PRKD3: variants seen among roughly 807,000 people sequenced by gnomAD.
PRKD3 encodes protein kinase D3, also known as serine/threonine-protein kinase D3.
PRKD3 carries 47 observed loss-of-function variants against 99.2 expected under a neutral mutation model. The ratio of observed to expected loss-of-function variants is 0.47; its 90% CI spans 0.38 to 0.60. The LOEUF is 0.60. Ranked by LOEUF, PRKD3 falls within the 20% of genes least tolerant of loss-of-function variation. PRKD3 has a pLI of 0.00. For synonymous variants in PRKD3, 392 were observed against 355.4 expected (o/e 1.10, Z -1.16); for missense variants, 1,019 against 1,088.4 (o/e 0.94, Z 0.90).
intron 16 of PRKD3, 80 bp downstream of exon 16, chr2:37,259,503 C>G: frequency 9.0e-7 from 1 of 1,106,806 alleles, no homozygotes; most frequent in South Asian, 1.4e-5. Flanking sequence ...ACCAACAGTA[C>G]TTAGTACACT....
chr2:37,321,449 A>G (rs1671880944), intron 1 of PRKD3, among the ~76,000 whole-genome samples: 1 of 152,214 alleles, frequency 6.6e-6, no homozygotes, highest in African/African-American at 2.4e-5. Flanking sequence ...TAATATCACA[A>G]GTTTATCTAC....
chr2:37,309,533 T>C (rs915639783), intron 2 of PRKD3, among the ~76,000 whole-genome samples: 2 of 152,326 alleles, frequency 1.3e-5, no homozygotes, highest in East Asian at 1.9e-4. Flanking sequence ...AAGTCACATA[T>C]GCAATCACCA....
chr2:37,296,956 T>C (rs2124858029), intron 2 of PRKD3, among the ~76,000 whole-genome samples: 1 of 147,158 alleles, frequency 6.8e-6, no homozygotes, highest in South Asian at 2.2e-4. Context: ...AACATGAGAA[T>C]TCTTGAGACG....
intron 13 of PRKD3, chr2:37,267,939 C>G: frequency 5.3e-6 from 1 of 189,350 alleles, no homozygotes; most frequent in Non-Finnish European, 1.1e-5. Flanking sequence ...TACCCACAAA[C>G]TCTGGGTGTC....
At chr2:37,282,646 A>G in intron 6 of PRKD3, 27 bp from the exon 7 acceptor site, 3 of 1,487,864 alleles carry the variant, frequency 2.0e-6, no homozygotes, top group South Asian at 2.3e-5. Context: ...CAGCATATTA[A>G]TTTATGTAAA....
chr2:37,270,790 C>G (rs2148528893), intron 12 of PRKD3, among the ~76,000 whole-genome samples: 1 of 152,274 alleles, frequency 6.6e-6, no homozygotes, highest in East Asian at 1.9e-4. Context: ...TGGTTCTAAT[C>G]AGATTAGGAG....
intron 14 of PRKD3, among the ~76,000 whole-genome samples, chr2:37,262,877 A>C (rs1668571531): frequency 6.6e-6 from 1 of 151,326 alleles, no homozygotes; most frequent in African/African-American, 2.4e-5. Context: ...GAGATGAGCA[A>C]AGTATCCTAA....
At chr2:37,324,563 G>C (rs1387564668) in intron 1 of PRKD3, 118 bp downstream of exon 1, 1 of 150,710 alleles carries the variant, frequency 6.6e-6, no homozygotes. Flanking sequence ...TGGGGGTTTG[G>C]GGGATGGGGG....
At position 37,292,616 on chromosome 2, in the gene PRKD3, G is replaced by A. The variant is rs539688086; in HGVS notation, c.427+517C>T. On this transcript the variant is annotated intron_variant, in intron 3 of 18. Transcript: ENST00000234179. ...CCGCCTCGGCCTCCCAAAGTGCTGG[G>A]ATTACAGGCGTGAGCCACCGCGCCA... Among the ~76,000 whole-genome samples the A allele has an allele frequency of 2.7e-3, 416 of 152,128 alleles. 1 individual carries two copies. The highest frequency in any genetic ancestry group is 4.1e-3 in the Non-Finnish European group (281 of 67,988).
At position 37,251,697 on chromosome 2, in the gene PRKD3, A is replaced by G. The variant is rs528407890; in HGVS notation, c.*1480T>C. The stretch of plus-strand genomic sequence containing the variant: ...GTTTTTAGTTTATTTGACTGCATTC[A>G]TACATATCTGATCTTCACGACAACA... On this transcript the variant is annotated 3_prime_UTR_variant, in exon 19 of 19. Transcript: ENST00000234179. 2 of 152,062 alleles carry G rather than the reference A, an allele frequency of 1.3e-5. No homozygotes were observed. The highest frequency in any genetic ancestry group is 4.8e-5 in the African/African-American group (2 of 41,480). 9.4% of individuals were successfully genotyped at this position (152,062 alleles called of 1,614,324 possible).
chr2:37,269,720 T>C, intron 12 of PRKD3, 33 bp from the exon 13 acceptor site: 1 of 1,424,218 alleles, frequency 7.0e-7, no homozygotes, highest in Non-Finnish European at 9.9e-7. Context: ...TAGTATTATT[T>C]ATTTCTATAA....
chr2:37,284,536 A>G (rs1258704044), intron 6 of PRKD3, among the ~76,000 whole-genome samples: 1 of 152,204 alleles, frequency 6.6e-6, no homozygotes, highest in Admixed American at 6.5e-5. Flanking sequence ...GTTGGCTAGA[A>G]TGTGTACATC....
At chr2:37,262,452 T>C (rs935394190) in intron 14 of PRKD3, among the ~76,000 whole-genome samples, 7 of 152,282 alleles carry the variant, frequency 4.6e-5, no homozygotes, top group South Asian at 2.1e-4. Context: ...AAATGCAAAA[T>C]AGACTTGTTT....
At chr2:37,264,021 C>T (rs1668655745) in intron 14 of PRKD3, among the ~76,000 whole-genome samples, 1 of 152,108 alleles carries the variant, frequency 6.6e-6, no homozygotes, top group Non-Finnish European at 1.5e-5. Context: ...ACCTTTTCTC[C>T]CACTACTCTA....
At chr2:37,287,703 G>A (rs1670189486) in intron 5 of PRKD3, among the ~76,000 whole-genome samples, 1 of 152,144 alleles carries the variant, frequency 6.6e-6, no homozygotes, top group Non-Finnish European at 1.5e-5. Flanking sequence ...ACAATAATCG[G>A]TGAATGTGTG....
intron 3 of PRKD3, among the ~76,000 whole-genome samples, chr2:37,292,665 G>C (rs1670490963): frequency 6.6e-6 from 1 of 151,690 alleles, no homozygotes; most frequent in African/African-American, 2.4e-5. Flanking sequence ...CTTTTTTAAA[G>C]AGACGAGTCT....
intron 14 of PRKD3, among the ~76,000 whole-genome samples, chr2:37,261,508 C>T (rs532581381): frequency 4.2e-5 from 6 of 144,252 alleles, no homozygotes; most frequent in East Asian, 2.1e-4. Flanking sequence ...AGGCCGGGCG[C>T]GGTGGCTCAC....
intron 1 of PRKD3, among the ~76,000 whole-genome samples, chr2:37,318,242 A>G (rs921228941): frequency 6.6e-6 from 1 of 152,210 alleles, no homozygotes; most frequent in African/African-American, 2.4e-5. Flanking sequence ...TTTAAAAAAA[A>G]CTGAAGATGA....
intron 2 of PRKD3, among the ~76,000 whole-genome samples, chr2:37,310,461 A>C (rs1671377255): frequency 6.6e-6 from 1 of 152,206 alleles, no homozygotes; most frequent in Non-Finnish European, 1.5e-5. Flanking sequence ...TAAGTGGTAG[A>C]AATGAACTCC....
Sources: gnomAD v4.1 joint callset for allele counts (sites outside exome capture counted in the v4.1 genomes callset) on GRCh38, gnomAD v4.1.1 for gene constraint, MANE v1.5 for transcripts, NCBI Gene and HGNC (gene_info 2026-07-23, HGNC 2026-07-21) for gene names.